Variants in MAGI1 observed in about 807,000 individuals in gnomAD.
MAGI1 encodes membrane associated guanylate kinase, WW and PDZ domain containing 1.
A neutral mutation model predicts 139.9 loss-of-function variants in MAGI1; 58 were observed. The observed-to-expected ratio is 0.41, with a 90% CI of 0.34 to 0.52. MAGI1 has a LOEUF of 0.52. MAGI1 is among the 20% of genes least tolerant of loss of function. MAGI1 has a pLI of 0.12. For synonymous variants in MAGI1, 812 were observed against 737.9 expected, an observed-to-expected ratio of 1.10 and a Z score of -1.63; for missense variants, 1,874 against 1,901.6, an observed-to-expected ratio of 0.99 and a Z score of 0.27.
intron 9 of MAGI1, among the ~76,000 whole-genome samples, chr3:65,437,745 G>A (rs1027910241): frequency 2.6e-5 from 4 of 152,092 alleles, no homozygotes; most frequent in Admixed American, 2.0e-4. Context: ...ATTCACCTTG[G>A]AAGGCCAGAC....
intron 1 of MAGI1, among the ~76,000 whole-genome samples, chr3:65,989,255 T>C (rs1346838516): frequency 1.3e-5 from 2 of 152,198 alleles, no homozygotes; most frequent in Non-Finnish European, 1.5e-5. Context: ...AGAGTGAAGA[T>C]GGGAAGGATA....
At chr3:65,971,958 A>C (rs1160627121) in intron 1 of MAGI1, among the ~76,000 whole-genome samples, 1 of 152,240 alleles carries the variant, frequency 6.6e-6, no homozygotes. Context: ...AGCAGATAAT[A>C]AAATCCAAAG....
chr3:65,629,268 T>C (rs1303481351), intron 1 of MAGI1, among the ~76,000 whole-genome samples: 1 of 152,170 alleles, frequency 6.6e-6, no homozygotes, highest in Non-Finnish European at 1.5e-5. Context: ...AATGTATCCA[T>C]CTGTGACCGA....
intron 1 of MAGI1, among the ~76,000 whole-genome samples, chr3:66,026,769 T>C (rs899679884): frequency 6.6e-6 from 1 of 151,876 alleles, no homozygotes; most frequent in African/African-American, 2.4e-5. Flanking sequence ...TGAAAATATA[T>C]AGCAGCACAC....
chr3:65,425,249 T>G (rs1220793410), intron 12 of MAGI1, among the ~76,000 whole-genome samples: 1 of 152,122 alleles, frequency 6.6e-6, no homozygotes, highest in Non-Finnish European at 1.5e-5. Context: ...CTTTATCATG[T>G]GATGACTACT....
At chr3:65,623,053 G>C (rs2083769328) in intron 1 of MAGI1, among the ~76,000 whole-genome samples, 1 of 152,168 alleles carries the variant, frequency 6.6e-6, no homozygotes, top group Non-Finnish European at 1.5e-5. Context: ...CTGTAAAAAT[G>C]AATTTGGAAA....
chr3:65,717,641 C>A (rs759642995), intron 1 of MAGI1: 1 of 152,150 alleles, frequency 6.6e-6, no homozygotes, highest in South Asian at 2.1e-4. Context: ...AACATAAAAA[C>A]GGAGATGAAA....
intron 1 of MAGI1, among the ~76,000 whole-genome samples, chr3:65,953,492 C>A (rs1206690459): frequency 6.6e-6 from 1 of 152,188 alleles, no homozygotes. Context: ...AAGAGAAGGA[C>A]ACGGAAACCT....
rs145355818 is a variant in MAGI1 at position 65,412,308 on chromosome 3, C to G, written c.2168-10838G>C. 2.0e-3 allele frequency among the ~76,000 whole-genome samples: 311 copies of G among 152,262 alleles called. 1 individual carries two copies. The highest frequency in any genetic ancestry group is 7.2e-3 in the African/African-American group (300 of 41,558). On this transcript the variant is annotated intron_variant, in intron 12 of 22. Transcript: ENST00000402939. ...GTGGCTCCTGCCTTTCACTCAGGAC[C>G]CTCCTCAAAGGTGACTCCTTCAGAG...
chr3:65,835,850 A>C (rs1478559894), intron 1 of MAGI1, among the ~76,000 whole-genome samples: 1 of 152,110 alleles, frequency 6.6e-6, no homozygotes, highest in Middle Eastern at 3.2e-3. Flanking sequence ...TTGAAACCAG[A>C]ATGCAGCCCT....
chr3:65,928,191 A>T (rs1163873172), intron 1 of MAGI1, among the ~76,000 whole-genome samples: 1 of 152,206 alleles, frequency 6.6e-6, no homozygotes, highest in Admixed American at 6.5e-5. Context: ...TATTAACACC[A>T]GACAGCCAAC....
At position 65,836,575 on chromosome 3, in the gene MAGI1, CTTTGGGAGGCTGA is replaced by C. The variant is rs148613993; in HGVS notation, c.313+201408_313+201420del. ...GTGGCTCACGCCTGTAATCTCAGCACTTTGGGAGGCTGAGGCGGGTGGATCACGAGGTCAGGAG... is the reference window on the plus strand; with the variant it reads ...GTGGCTCACGCCTGTAATCTCAGCACGGCGGGTGGATCACGAGGTCAGGAG... On this transcript the variant is annotated intron_variant, in intron 1 of 22. Coordinates refer to ENST00000402939, the MANE Select transcript of MAGI1 (RefSeq NM_001033057.2). 7.0e-3 allele frequency among the ~76,000 whole-genome samples: 1,070 copies of C among 152,224 alleles called. 9 individuals carry two copies. The highest frequency in any genetic ancestry group is 0.024 in the African/African-American group (1,011 of 41,532).
At chr3:65,480,188 C>G (rs1326348700) in intron 3 of MAGI1, among the ~76,000 whole-genome samples, 7 of 147,880 alleles carry the variant, frequency 4.7e-5, no homozygotes, top group African/African-American at 1.7e-4. Flanking sequence ...CAAAAAACCA[C>G]AAAAGGAGAC....
At chr3:65,463,109 A>C (rs1949928660) in intron 5 of MAGI1, among the ~76,000 whole-genome samples, 2 of 152,104 alleles carry the variant, frequency 1.3e-5, no homozygotes, top group Non-Finnish European at 2.9e-5. Flanking sequence ...AATATGCTTT[A>C]TTTCTTTCTC....
At chr3:65,395,072 C>G (rs963395276) in intron 13 of MAGI1, among the ~76,000 whole-genome samples, 1 of 152,134 alleles carries the variant, frequency 6.6e-6, no homozygotes, top group Non-Finnish European at 1.5e-5. Context: ...AGCCCAGGCC[C>G]TCCTAAGTGT....
intron 6 of MAGI1, among the ~76,000 whole-genome samples, chr3:65,449,260 A>C (rs1014657564): frequency 2.0e-5 from 3 of 152,140 alleles, no homozygotes; most frequent in African/African-American, 7.2e-5. Context: ...ATACCCTAGA[A>C]CTTAAAGTAT....
At chr3:65,884,220 C>T (rs1167489646) in intron 1 of MAGI1, among the ~76,000 whole-genome samples, 2 of 152,210 alleles carry the variant, frequency 1.3e-5, no homozygotes, top group Non-Finnish European at 1.5e-5. Context: ...AGCCTACCAA[C>T]TCTCTCCACC....
chr3:65,425,135 A>AAAAAAAAAAC (rs1559543283), intron 12 of MAGI1, among the ~76,000 whole-genome samples: 4 of 87,788 alleles, frequency 4.6e-5, no homozygotes, highest in African/African-American at 8.3e-5. Flanking sequence ...AAAAAAAACA[A>AAAAAAAAAAC]AAAAAAACAC....
intron 4 of MAGI1, among the ~76,000 whole-genome samples, chr3:65,475,999 C>A (rs1254186119): frequency 6.6e-6 from 1 of 151,622 alleles, no homozygotes; most frequent in Non-Finnish European, 1.5e-5. Context: ...ATATGATGCT[C>A]ATGCCTTTAT....
Sources: allele counts gnomAD v4.1 joint callset (sites outside exome capture counted in the v4.1 genomes callset), GRCh38; gene constraint gnomAD v4.1.1; transcripts MANE v1.5; gene names NCBI Gene and HGNC (gene_info 2026-07-23, HGNC 2026-07-21).